Variants in PDZRN3 observed in about 807,000 individuals in gnomAD.
PDZRN3 encodes the protein PDZ domain containing ring finger 3.
In PDZRN3, 38 loss-of-function variants were observed where a neutral mutation model predicts 85.7. The ratio of observed to expected loss-of-function variants is 0.44; its 90% CI spans 0.34 to 0.58. The LOEUF is 0.58. PDZRN3 is among the 20% of genes least tolerant of loss of function. The pLI, the probability that PDZRN3 is intolerant of heterozygous loss-of-function variation, is 0.01. For missense variants in PDZRN3, 1,629 were observed against 1,506.4 expected, an observed-to-expected ratio of 1.08 and a Z score of -1.35; for synonymous variants, 759 against 638.0, an observed-to-expected ratio of 1.19 and a Z score of -2.86.
At chr3:73,433,681 C>T in intron 3 of PDZRN3, 1 of 1,536,092 alleles carries the variant, frequency 6.5e-7, no homozygotes, top group Non-Finnish European at 8.7e-7. Context: ...CCTCTTGCTT[C>T]TGCAGGCTGC....
intron 3 of PDZRN3, chr3:73,569,414 T>C: frequency 1.7e-6 from 2 of 1,154,644 alleles, no homozygotes; most frequent in Non-Finnish European, 2.2e-6. Context: ...AGAGTACATA[T>C]TTCCTGTCTC....
chr3:73,431,332 CTG>C (rs1348587146), intron 3 of PDZRN3, among the ~76,000 whole-genome samples: 1 of 152,190 alleles, frequency 6.6e-6, no homozygotes, highest in Non-Finnish European at 1.5e-5. Context: ...CAAAAAGAAA[CTG>C]TAGGCAGCTT....
chr3:73,473,865 C>T (rs1469471877), intron 3 of PDZRN3, among the ~76,000 whole-genome samples: 1 of 152,146 alleles, frequency 6.6e-6, no homozygotes, highest in Non-Finnish European at 1.5e-5. Flanking sequence ...TTGTGAGAGA[C>T]CCTGAAACAG....
intron 3 of PDZRN3, among the ~76,000 whole-genome samples, chr3:73,549,200 T>A (rs999655157): frequency 6.6e-6 from 1 of 152,106 alleles, no homozygotes; most frequent in Non-Finnish European, 1.5e-5. Flanking sequence ...GAATAACGAG[T>A]GCTCTGTTCA....
chr3:73,578,516 C>T (rs578039380), intron 3 of PDZRN3, among the ~76,000 whole-genome samples: 123 of 151,996 alleles, frequency 8.1e-4, no homozygotes, highest in African/African-American at 2.7e-3. Flanking sequence ...GTTCCCGTTA[C>T]ATAGGGGAAA....
chr3:73,467,443 T>A (rs563361329), intron 3 of PDZRN3, among the ~76,000 whole-genome samples: 63 of 152,328 alleles, frequency 4.1e-4, no homozygotes, highest in African/African-American at 1.4e-3. Context: ...GTTCATTTCT[T>A]CTTTCCTGCC....
chr3:73,411,869 C>A (rs1701977943), intron 3 of PDZRN3, among the ~76,000 whole-genome samples: 1 of 152,202 alleles, frequency 6.6e-6, no homozygotes, highest in South Asian at 2.1e-4. Context: ...ATAAACCCAA[C>A]AGTGGTACAA....
chr3:73,606,191 A>G (rs1392264167), intron 2 of PDZRN3, among the ~76,000 whole-genome samples: 2 of 152,244 alleles, frequency 1.3e-5, no homozygotes, highest in Non-Finnish European at 2.9e-5. Flanking sequence ...TGTTTGCTAT[A>G]GCTTGTGAAA....
chr3:73,582,252 T>G (rs1321538476), intron 3 of PDZRN3, among the ~76,000 whole-genome samples: 1 of 152,138 alleles, frequency 6.6e-6, no homozygotes, highest in Non-Finnish European at 1.5e-5. Context: ...ACATGTAGAT[T>G]TGTCTTTTTT....
intron 3 of PDZRN3, among the ~76,000 whole-genome samples, chr3:73,535,691 T>C (rs999194930): frequency 9.2e-5 from 14 of 152,194 alleles, no homozygotes; most frequent in African/African-American, 2.7e-4. Context: ...GGTCCATAAT[T>C]AGAGTAATTG....
Position 73,624,837 on chromosome 3 carries a change from G to C in PDZRN3, c.-12C>G, listed in dbSNP as rs1702945455. 23 of 1,288,670 alleles carry C rather than the reference G, an allele frequency of 1.8e-5. No individual in the cohort carries two copies. The highest frequency in any genetic ancestry group is 2.3e-5 in the Non-Finnish European group (23 of 1,020,736). 79.8% of individuals were successfully genotyped at this position (1,288,670 alleles called of 1,614,324 possible). A position where few individuals can be genotyped will look rare whatever the true frequency, so the allele number is the denominator to read the frequency against. On this transcript the variant is annotated 5_prime_UTR_variant, in exon 1 of 10. Coordinates refer to ENST00000263666, the MANE Select transcript of PDZRN3 (RefSeq NM_015009.3). The stretch of plus-strand genomic sequence containing the variant: ...AGCTCGAAGCCCATGGTGGCGGCCA[G>C]GCCCCGGGGTCGCCGCCGGGCGGCC...
At chr3:73,493,600 G>A (rs138239943) in intron 3 of PDZRN3, among the ~76,000 whole-genome samples, 4 of 152,144 alleles carry the variant, frequency 2.6e-5, no homozygotes, top group African/African-American at 7.2e-5. Context: ...GTTTCTGCCC[G>A]CCCTCATCCA....
At chr3:73,574,761 G>A (rs2106857179) in intron 3 of PDZRN3, among the ~76,000 whole-genome samples, 1 of 152,330 alleles carries the variant, frequency 6.6e-6, no homozygotes, top group East Asian at 1.9e-4. Context: ...CTTAGCCAAA[G>A]GGCAGAAACC....
At chr3:73,533,600 C>T (rs188198533) in intron 3 of PDZRN3, among the ~76,000 whole-genome samples, 3 of 151,532 alleles carry the variant, frequency 2.0e-5, no homozygotes, top group African/African-American at 7.3e-5. Flanking sequence ...ATGTTGGGAA[C>T]GTATCCCATA....
intron 3 of PDZRN3, among the ~76,000 whole-genome samples, chr3:73,544,171 C>A (rs1300487010): frequency 1.3e-5 from 2 of 152,208 alleles, no homozygotes; most frequent in Admixed American, 1.3e-4. Flanking sequence ...CAAGATTGCA[C>A]CACTGCACTC....
chr3:73,611,483 TA>T (rs1452213105), intron 1 of PDZRN3, among the ~76,000 whole-genome samples: 3 of 152,244 alleles, frequency 2.0e-5, no homozygotes, highest in Admixed American at 1.3e-4. Context: ...AGGGTGTTCT[TA>T]TTTTCTATAA....
intron 3 of PDZRN3, among the ~76,000 whole-genome samples, chr3:73,432,412 G>C (rs2106802638): frequency 6.6e-6 from 1 of 152,336 alleles, no homozygotes; most frequent in East Asian, 1.9e-4. Flanking sequence ...ACTTATTTAA[G>C]ATGCTTGTTT....
chr3:73,603,870 AACACACACACACACATAC>A (rs1702553846), intron 2 of PDZRN3, among the ~76,000 whole-genome samples: 2 of 110,308 alleles, frequency 1.8e-5, no homozygotes, highest in Non-Finnish European at 3.9e-5. Flanking sequence ...CACTTCCCCA[AACACACACACACACATAC>A]ACACACACAC....
At chr3:73,478,470 T>C (rs991417226) in intron 3 of PDZRN3, among the ~76,000 whole-genome samples, 4 of 152,116 alleles carry the variant, frequency 2.6e-5, no homozygotes, top group Admixed American at 6.6e-5. Context: ...GACCATCCAG[T>C]TGCAAGGCTC....
Sources: gnomAD v4.1 joint callset for allele counts (sites outside exome capture counted in the v4.1 genomes callset) on GRCh38, gnomAD v4.1.1 for gene constraint, MANE v1.5 for transcripts, NCBI Gene and HGNC (gene_info 2026-07-23, HGNC 2026-07-21) for gene names.